PDK1: variants seen among roughly 807,000 people sequenced by gnomAD.
PDK1 encodes the protein pyruvate dehydrogenase kinase 1, also known as [Pyruvate dehydrogenase (acetyl-transferring)] kinase isozyme 1, mitochondrial.
A neutral mutation model predicts 54.2 loss-of-function variants in PDK1; 39 were observed. The ratio of observed to expected loss-of-function variants is 0.72; its 90% CI spans 0.56 to 0.94. The LOEUF is 0.94. Ranked by LOEUF, PDK1 falls within the 40% of genes least tolerant of loss-of-function variation. PDK1 has a pLI of 0.00. For missense variants in PDK1, 552 were observed against 566.0 expected (o/e 0.98, Z 0.25); for synonymous variants, 221 against 207.1 (o/e 1.07, Z -0.58).
chr2:172,694,481 G>A, the PDK1 span, among the ~76,000 whole-genome samples: 1 of 152,204 alleles, frequency 6.6e-6, no homozygotes. Flanking sequence ...TGTCTGTGTG[G>A]AGTTTGCACA....
At chr2:172,668,083 A>G in the PDK1 span, among the ~76,000 whole-genome samples, 5 of 152,232 alleles carry the variant, frequency 3.3e-5, no homozygotes, top group Admixed American at 6.5e-5. Flanking sequence ...ATTTGAGAGA[A>G]GCTCCAGGAA....
chr2:172,568,980 C>A (rs1689109556), intron 7 of PDK1, among the ~76,000 whole-genome samples, 163 bp downstream of exon 7: 1 of 152,206 alleles, frequency 6.6e-6, no homozygotes, highest in Non-Finnish European at 1.5e-5. Context: ...CACAGGGAGA[C>A]ATCTCCATGT....
the PDK1 span, among the ~76,000 whole-genome samples, chr2:172,613,912 G>A: frequency 2.0e-5 from 3 of 152,002 alleles, no homozygotes; most frequent in South Asian, 4.1e-4. Flanking sequence ...AACTGCAGCT[G>A]TGGATCCAAG....
chr2:172,625,714 C>T, the PDK1 span, among the ~76,000 whole-genome samples: 5 of 152,158 alleles, frequency 3.3e-5, no homozygotes, highest in African/African-American at 9.7e-5. Flanking sequence ...GCACTTATGA[C>T]ACCTTATTTA....
chr2:172,691,000 AAAAT>A, the PDK1 span, among the ~76,000 whole-genome samples: 1 of 150,312 alleles, frequency 6.7e-6, no homozygotes, highest in South Asian at 2.1e-4. Flanking sequence ...TATAATAATA[AAAAT>A]AAATAAATAA....
At chr2:172,650,600 A>G in the PDK1 span, among the ~76,000 whole-genome samples, 1 of 152,170 alleles carries the variant, frequency 6.6e-6, no homozygotes, top group Non-Finnish European at 1.5e-5. Flanking sequence ...ACGTGCAGAG[A>G]CACACATAGG....
At chr2:172,644,765 G>T in the PDK1 span, among the ~76,000 whole-genome samples, 1 of 152,162 alleles carries the variant, frequency 6.6e-6, no homozygotes, top group East Asian at 1.9e-4. Flanking sequence ...ATGCAAATGA[G>T]AATTTTAATA....
At chr2:172,556,076 G>A, upstream of PDK1, 1 of 1,134,738 alleles carries the variant, frequency 8.8e-7, no homozygotes, top group Non-Finnish European at 1.1e-6. Flanking sequence ...TGCCCGCCAC[G>A]TCCCTCACGT....
At chr2:172,715,536 G>T in the PDK1 span, among the ~76,000 whole-genome samples, 4 of 152,238 alleles carry the variant, frequency 2.6e-5, no homozygotes, top group East Asian at 1.9e-4. Flanking sequence ...CTGCCTAGGA[G>T]GTTCATCAGG....
chr2:172,579,297 A>G (rs1177977851), intron 8 of PDK1, among the ~76,000 whole-genome samples: 1 of 152,148 alleles, frequency 6.6e-6, no homozygotes, highest in Non-Finnish European at 1.5e-5. Flanking sequence ...GGTCAAATAA[A>G]TACAGTCTTC....
the PDK1 span, among the ~76,000 whole-genome samples, chr2:172,646,989 G>A: frequency 6.6e-6 from 1 of 151,902 alleles, no homozygotes; most frequent in African/African-American, 2.4e-5. Context: ...CACCCGCCTT[G>A]ACCTCCCAAA....
the PDK1 span, among the ~76,000 whole-genome samples, chr2:172,701,016 GGGAGGAGA>G: frequency 2.0e-5 from 3 of 151,858 alleles, no homozygotes; most frequent in East Asian, 1.9e-4. Context: ...GAGAGGGAGA[GGGAGGAGA>G]GGAGGAGAGG....
At chr2:172,625,307 T>G in the PDK1 span, among the ~76,000 whole-genome samples, 1 of 152,200 alleles carries the variant, frequency 6.6e-6, no homozygotes, top group Non-Finnish European at 1.5e-5. Context: ...GACAGTTAAT[T>G]GACCTGTGAA....
chr2:172,584,667 T>TA (rs1491431865), intron 8 of PDK1, among the ~76,000 whole-genome samples: 3,640 of 128,874 alleles, frequency 0.028, 86 homozygotes, highest in Non-Finnish European at 0.046. Context: ...TTTTTTTTTT[T>TA]AAATAGAGGC....
the PDK1 span, among the ~76,000 whole-genome samples, chr2:172,705,510 C>T: frequency 2.6e-5 from 4 of 152,218 alleles, no homozygotes; most frequent in South Asian, 2.1e-4. Context: ...CTGTATGTTT[C>T]GCTTTACCAT....
rs1691135090 is a variant in PDK1 at position 172,602,087 on chromosome 2, TG to T, written c.*6119del. ...GAATGTTACCAAAACATCAAGAAAC[TG>T]ATAATTCCTGTCTTATAGAAACTTT... On this transcript the variant is annotated 3_prime_UTR_variant, in exon 11 of 11. Transcript: ENST00000282077. The T allele has an allele frequency of 6.6e-6, 1 of 152,142 alleles. No homozygotes were observed. Among genetic ancestry groups the T allele is most frequent in the Non-Finnish European group, 1.5e-5 (1 of 68,014 alleles). 9.4% of individuals were successfully genotyped at this position (152,142 alleles called of 1,614,324 possible).
At position 172,605,376 on chromosome 2, in the gene PDK1, T is replaced by TTA. The variant is rs1240053808; in HGVS notation, c.*9408_*9409insAT. 7.4e-6 allele frequency: 1 copy of TTA among 134,894 alleles called. No homozygotes were observed. Among genetic ancestry groups the TTA allele is most frequent in the African/African-American group, 3.6e-5 (1 of 27,802 alleles). The allele number at this position is 134,894 out of a possible 1,614,324, so 8.4% of individuals were successfully genotyped here. A position where few individuals can be genotyped will look rare whatever the true frequency, so the allele number is the denominator to read the frequency against. On this transcript the variant is annotated 3_prime_UTR_variant, in exon 11 of 11. Transcript: ENST00000282077. The stretch of plus-strand genomic sequence containing the variant: ...GTTTGGTCTACACTGTAATTTTTTT[T>TTA]TTTTTTTTTTTTTTTTGGAAGCAGA...
chr2:172,620,073 G>A, the PDK1 span, among the ~76,000 whole-genome samples: 3 of 152,210 alleles, frequency 2.0e-5, no homozygotes, highest in Non-Finnish European at 4.4e-5. Context: ...GGCTGAGGCA[G>A]GAGAATTGCT....
chr2:172,692,319 T>TA, the PDK1 span, among the ~76,000 whole-genome samples: 1 of 152,220 alleles, frequency 6.6e-6, no homozygotes, highest in African/African-American at 2.4e-5. Flanking sequence ...AAGGCTCAAA[T>TA]ACAAGGTACT....
Sources: gnomAD v4.1 joint callset for allele counts (sites outside exome capture counted in the v4.1 genomes callset) on GRCh38, gnomAD v4.1.1 for gene constraint, MANE v1.5 for transcripts, NCBI Gene and HGNC (gene_info 2026-07-23, HGNC 2026-07-21) for gene names.